PATJ: variants seen among roughly 807,000 people sequenced by gnomAD.
The protein encoded by PATJ is PATJ crumbs cell polarity complex component.
PATJ carries 190 observed loss-of-function variants against 224.9 expected under a neutral mutation model. That is an observed-to-expected ratio of 0.84 (90% CI 0.75 to 0.95). PATJ has a LOEUF of 0.95. PATJ is among the 40% of genes least tolerant of loss of function. The probability of loss-of-function intolerance (pLI) is 0.00; values close to 1 mark genes in which losing one functional copy is unlikely to be tolerated. For missense variants in PATJ, 2,121 were observed against 2,270.3 expected (o/e 0.93, Z 1.34); for synonymous variants, 769 against 820.3 (o/e 0.94, Z 1.07).
intron 9 of PATJ, among the ~76,000 whole-genome samples, chr1:61,793,075 AT>A (rs892455601): frequency 1.9e-4 from 28 of 151,108 alleles, no homozygotes; most frequent in Admixed American, 4.0e-4. Flanking sequence ...TATTATTATC[AT>A]TTTTTTTCTT....
At chr1:62,116,498 G>T (rs759694871) in intron 35 of PATJ, 34 bp from the exon 36 acceptor site, 2 of 1,610,532 alleles carry the variant, frequency 1.2e-6, no homozygotes, top group Admixed American at 3.4e-5. Flanking sequence ...ATATTAGGTT[G>T]TGCCAATACT....
intron 18 of PATJ, among the ~76,000 whole-genome samples, chr1:61,859,892 T>G (rs1357493295): frequency 7.3e-5 from 11 of 151,514 alleles, no homozygotes; most frequent in Non-Finnish European, 1.6e-4. Context: ...AGTGCTGGGA[T>G]TACAGGTGTG....
chr1:61,742,547 G>A lies in PATJ; in HGVS notation c.-44G>A, dbSNP rs1644804971. ...ACCCGGGCTCCCACCTGCTCCTCCA[G>A]CGCACCAGGTAAAGCGTGAGGTCCC... On this transcript the variant is annotated 5_prime_UTR_variant, in exon 1 of 44. Coordinates refer to ENST00000642238, the MANE Select transcript of PATJ (RefSeq NM_001350145.3). 1.3e-5 allele frequency: 2 copies of A among 152,524 alleles called. No homozygotes were observed. Among genetic ancestry groups the A allele is most frequent in the African/African-American group, 4.8e-5 (2 of 41,460 alleles). 9.4% of individuals were successfully genotyped at this position (152,524 alleles called of 1,614,324 possible).
chr1:61,949,375 A>T (rs1015270551), intron 27 of PATJ, among the ~76,000 whole-genome samples: 2 of 152,010 alleles, frequency 1.3e-5, no homozygotes, highest in East Asian at 3.9e-4. Context: ...GGGAAGTGGG[A>T]AGGTTCTAAA....
chr1:61,829,124 T>C (rs192930291), intron 16 of PATJ, among the ~76,000 whole-genome samples: 1 of 152,340 alleles, frequency 6.6e-6, no homozygotes, highest in East Asian at 1.9e-4. Flanking sequence ...TCTAACACTG[T>C]CTTATAGATA....
At chr1:62,142,603 G>A (rs1240138037) in intron 41 of PATJ, among the ~76,000 whole-genome samples, 2 of 152,234 alleles carry the variant, frequency 1.3e-5, no homozygotes, top group African/African-American at 4.8e-5. Context: ...CTGTGATTGG[G>A]TGGGAAATAC....
In PATJ at chr1:62,163,791, A is replaced by G. The variant is rs1446736950; in HGVS notation, c.*2737A>G. 6.6e-6 allele frequency: 1 copy of G among 152,192 alleles called. No individual in the cohort carries two copies. The highest frequency in any genetic ancestry group is 1.5e-5 in the Non-Finnish European group (1 of 68,036). The allele number at this position is 152,192 out of a possible 1,614,324, so 9.4% of individuals were successfully genotyped here. A position where few individuals can be genotyped will look rare whatever the true frequency, so the allele number is the denominator to read the frequency against. On this transcript the variant is annotated 3_prime_UTR_variant, in exon 44 of 44. Coordinates refer to ENST00000642238, the MANE Select transcript of PATJ (RefSeq NM_001350145.3). The stretch of plus-strand genomic sequence containing the variant: ...GCCTCATCATTTGGGCCATTTCAGT[A>G]TAGTAATGATATCACTAATCGGAAT...
chr1:62,154,669 G>GAAA (rs1558244667), intron 43 of PATJ, among the ~76,000 whole-genome samples: 1 of 142,886 alleles, frequency 7.0e-6, no homozygotes, highest in Non-Finnish European at 1.5e-5. Flanking sequence ...AAAAAGAAAA[G>GAAA]AGAGAGAGAG....
chr1:61,950,272 G>A (rs979088633), intron 27 of PATJ, among the ~76,000 whole-genome samples: 6 of 152,152 alleles, frequency 3.9e-5, no homozygotes, highest in Non-Finnish European at 5.9e-5. Flanking sequence ...CAGTGATGGC[G>A]TTTGAGAACC....
intron 41 of PATJ, among the ~76,000 whole-genome samples, chr1:62,139,823 G>A (rs1046698302): frequency 4.0e-5 from 6 of 150,766 alleles, no homozygotes; most frequent in African/African-American, 1.2e-4. Flanking sequence ...CCAGTGTCAC[G>A]ATCATGGCGT....
chr1:62,088,621 C>G (rs1203403781), intron 33 of PATJ, among the ~76,000 whole-genome samples: 1 of 151,958 alleles, frequency 6.6e-6, no homozygotes, highest in Non-Finnish European at 1.5e-5. Flanking sequence ...ATAATAATAC[C>G]TTGTAGACTT....
rs554622773 is a variant in PATJ, at chr1:61,909,862, T to C, written c.3492+1380T>C. 5.3e-5 allele frequency among the ~76,000 whole-genome samples: 8 copies of C among 152,342 alleles called. No homozygotes were observed. The South Asian group carries it at 1.7e-3, about 32-fold the overall frequency. Reference sequence around the variant, plus strand: ...GGCATTGATGGAATATTTTGCATGCTTGTAATCTGCCTATGCACAGTGAGC... The same window carrying C: ...GGCATTGATGGAATATTTTGCATGCCTGTAATCTGCCTATGCACAGTGAGC... On this transcript the variant is annotated intron_variant, in intron 25 of 43. Coordinates refer to ENST00000642238, the MANE Select transcript of PATJ (RefSeq NM_001350145.3).
At position 61,827,515 on chromosome 1, in the gene PATJ, A is replaced by G; in HGVS notation, c.1912A>G (p.Arg638Gly). 6.2e-7 allele frequency: 1 copy of G among 1,613,942 alleles called. No individual in the cohort carries two copies. Among genetic ancestry groups the G allele is most frequent in the South Asian group, 1.1e-5 (1 of 91,054 alleles). ...PPPFTLVCCR[R>G]LFDDEASVDE... ...CCCTTTTACTTTGGTTTGCTGTCGG[A>G]GGTTGTTTGATGATGAAGCTTCTGT... The change falls in exon 16 of 44, where the codon AGG (arginine) becomes GGG (glycine). Residue 638 changes from arginine (R) to glycine (G), a missense_variant. Arg to Gly is a moderately radical substitution (Grantham distance 125, BLOSUM62 -2). Transcript: ENST00000642238.
intron 42 of PATJ, among the ~76,000 whole-genome samples, chr1:62,151,911 A>G (rs1668676704): frequency 6.6e-6 from 1 of 152,248 alleles, no homozygotes; most frequent in African/African-American, 2.4e-5. Context: ...AATTACTGGG[A>G]GCCCACATAG....
intron 24 of PATJ, among the ~76,000 whole-genome samples, chr1:61,902,262 G>T (rs748062128): frequency 6.6e-6 from 1 of 150,828 alleles, no homozygotes. Context: ...CACTGAGAAT[G>T]CCCTGAGGTC....
chr1:61,887,127 G>C (rs1669002668), intron 22 of PATJ, among the ~76,000 whole-genome samples: 1 of 151,922 alleles, frequency 6.6e-6, no homozygotes, highest in Non-Finnish European at 1.5e-5. Context: ...ATATCAAACT[G>C]AAGAGAATTT....
chr1:61,772,685 A>G (rs1452430146), intron 6 of PATJ, among the ~76,000 whole-genome samples: 2 of 152,222 alleles, frequency 1.3e-5, no homozygotes, highest in Non-Finnish European at 2.9e-5. Flanking sequence ...TAATAAATAC[A>G]GTGAATAAAG....
intron 28 of PATJ, among the ~76,000 whole-genome samples, chr1:62,004,641 C>T (rs12084877): frequency 0.14 from 20,616 of 152,114 alleles, 2,757 homozygotes; most frequent in East Asian, 0.41. Context: ...TATATAATGA[C>T]GTAACCATGC....
At chr1:62,037,264 T>C (rs1471940575) in intron 29 of PATJ, among the ~76,000 whole-genome samples, 1 of 152,158 alleles carries the variant, frequency 6.6e-6, no homozygotes, top group Admixed American at 6.5e-5. Context: ...TAAAGGATAG[T>C]CATTATCTCC....
Sources: gnomAD v4.1 joint callset for allele counts (sites outside exome capture counted in the v4.1 genomes callset) on GRCh38, gnomAD v4.1.1 for gene constraint, MANE v1.5 for transcripts, NCBI Gene and HGNC (gene_info 2026-07-23, HGNC 2026-07-21) for gene names.